Variants in DENND4C observed in about 807,000 individuals in gnomAD.
The protein encoded by DENND4C is DENN domain containing 4C, also known as DENN domain-containing protein 4C.
In DENND4C, 108 loss-of-function variants were observed where a neutral mutation model predicts 203.0. That is an observed-to-expected ratio of 0.53 (90% CI 0.46 to 0.62). The LOEUF is 0.62. Among genes scored for constraint, DENND4C ranks in the 20% least tolerant of loss-of-function variants. DENND4C has a pLI of 0.00. For synonymous variants in DENND4C, 871 were observed against 792.4 expected, an observed-to-expected ratio of 1.10 and a Z score of -1.67; for missense variants, 2,481 against 2,301.2, an observed-to-expected ratio of 1.08 and a Z score of -1.60.
chr9:19,257,072 A>G (rs978767797), intron 1 of DENND4C, among the ~76,000 whole-genome samples: 4 of 151,856 alleles, frequency 2.6e-5, no homozygotes, highest in African/African-American at 7.2e-5. Context: ...TCCGTCTCAA[A>G]AAAAAAAAAG....
chr9:19,364,283 A>C lies in DENND4C; in HGVS notation c.5524+2320A>C, dbSNP rs138706754. Among the ~76,000 whole-genome samples, 146 of 152,288 alleles carry C rather than the reference A, an allele frequency of 9.6e-4. 1 individual carries two copies. Among genetic ancestry groups the C allele is most frequent in the Middle Eastern group, 3.4e-3 (1 of 294 alleles). ...GAAGATTGTTTAAAAAAATTTAAAGATTGTTGAAGATGTTTGGGGAACACT... is the reference window on the plus strand; with the variant it reads ...GAAGATTGTTTAAAAAAATTTAAAGCTTGTTGAAGATGTTTGGGGAACACT... On this transcript the variant is annotated intron_variant, in intron 30 of 32. Transcript: ENST00000434457.
chr9:19,336,301 C>T lies in DENND4C; in HGVS notation c.2621C>T (p.Thr874Ile). The change falls in exon 19 of 33, where the codon ACC (threonine) becomes ATC (isoleucine). Residue 874 changes from threonine (T) to isoleucine (I), a missense_variant. By Grantham distance (89) the Thr-to-Ile change is moderately conservative. Transcript: ENST00000434457. ...TTGGAGAGCCCGTGGCCTAGCAGTA[C>T]CCGCAGTGGTATTTTCTTATGGACG... ...VVLESPWPSS[T>I]RSGIFLWTKV... The T allele has an allele frequency of 5.0e-6, 8 of 1,613,898 alleles. No homozygotes were observed. Among genetic ancestry groups the T allele is most frequent in the South Asian group, 2.2e-5 (2 of 91,072 alleles).
chr9:19,240,898 G>C (rs528019864), intron 1 of DENND4C, among the ~76,000 whole-genome samples: 1 of 152,260 alleles, frequency 6.6e-6, no homozygotes, highest in Admixed American at 6.5e-5. Flanking sequence ...AGGAGGCAGA[G>C]GTTGCAGTGA....
chr9:19,293,542 G>T (rs935040612), intron 5 of DENND4C, among the ~76,000 whole-genome samples: 4 of 152,158 alleles, frequency 2.6e-5, no homozygotes, highest in African/African-American at 7.2e-5. Flanking sequence ...TGACTAAACA[G>T]TTGGCAAGAT....
chr9:19,318,254 G>C (rs1842174620), intron 12 of DENND4C, among the ~76,000 whole-genome samples: 1 of 152,132 alleles, frequency 6.6e-6, no homozygotes, highest in Admixed American at 6.5e-5. Flanking sequence ...GGGAGATGGA[G>C]GTTGCAGAGA....
Position 19,307,195 on chromosome 9 carries a change from T to A in DENND4C, c.1487+1668T>A, listed in dbSNP as rs564702096. Among the ~76,000 whole-genome samples, 4 of 151,834 alleles carry A rather than the reference T, an allele frequency of 2.6e-5. No individual in the cohort carries two copies. In the East Asian group the frequency reaches 7.8e-4, roughly 30 times the overall value. On this transcript the variant is annotated intron_variant, in intron 10 of 32. Coordinates refer to ENST00000434457, the MANE Select transcript of DENND4C (RefSeq NM_001330640.2). ...GGAGGATCACTTGAGCCCAGGAGTT[T>A]AAGGCCAGCCCGGGCAACTTGGTGA...
At chr9:19,261,519 T>A (rs1271208841) in intron 1 of DENND4C, among the ~76,000 whole-genome samples, 1 of 151,904 alleles carries the variant, frequency 6.6e-6, no homozygotes, top group Non-Finnish European at 1.5e-5. Flanking sequence ...TCCTTTTTTT[T>A]GGAGATAGGG....
chr9:19,242,881 C>T (rs1824132230), intron 1 of DENND4C, among the ~76,000 whole-genome samples: 1 of 152,058 alleles, frequency 6.6e-6, no homozygotes, highest in African/African-American at 2.4e-5. Context: ...GTCTCGATCT[C>T]CTGACCTCAT....
intron 1 of DENND4C, among the ~76,000 whole-genome samples, chr9:19,244,704 C>T (rs9802453): frequency 4.7e-5 from 7 of 148,614 alleles, no homozygotes; most frequent in African/African-American, 1.7e-4. Context: ...CGTGCCACTG[C>T]ACTCCAGCCT....
chr9:19,305,912 G>T (rs1021753390), intron 10 of DENND4C, among the ~76,000 whole-genome samples: 1 of 152,154 alleles, frequency 6.6e-6, no homozygotes, highest in Non-Finnish European at 1.5e-5. Flanking sequence ...GATAAAGTTT[G>T]GCTACAGTAT....
chr9:19,307,923 A>G (rs944697334), intron 10 of DENND4C, among the ~76,000 whole-genome samples: 13 of 151,984 alleles, frequency 8.6e-5, no homozygotes, highest in Admixed American at 2.0e-4. Flanking sequence ...TTAGATTTGG[A>G]GTTTATCACA....
chr9:19,370,188 T>C, intron 31 of DENND4C: 1 of 603,748 alleles, frequency 1.7e-6, no homozygotes, highest in Non-Finnish European at 2.8e-6. Flanking sequence ...CTTGGCACGG[T>C]GGCTCACACC....
At chr9:19,315,436 GAA>G (rs1354598529) in intron 10 of DENND4C, among the ~76,000 whole-genome samples, 3 of 151,372 alleles carry the variant, frequency 2.0e-5, no homozygotes, top group Non-Finnish European at 4.4e-5. Context: ...ACTTTTGTAA[GAA>G]GAGGGCTTTT....
chr9:19,306,808 C>G (rs181636634), intron 10 of DENND4C, among the ~76,000 whole-genome samples: 5 of 151,038 alleles, frequency 3.3e-5, no homozygotes, highest in African/African-American at 1.2e-4. Context: ...GACAGAGTCT[C>G]ACTGTGTTGC....
At chr9:19,317,024 C>G (rs976383) in intron 12 of DENND4C, among the ~76,000 whole-genome samples, 185 bp downstream of exon 12, 1 of 151,958 alleles carries the variant, frequency 6.6e-6, no homozygotes, top group African/African-American at 2.4e-5. Flanking sequence ...GCCCATTTTT[C>G]TCCTGAGAAA....
Position 19,352,138 on chromosome 9 carries a change from C to G in DENND4C, c.4561C>G (p.Gln1521Glu), listed in dbSNP as rs746999421. ...DFEKSDHGSS[Q>E]NTSMSSIYQN... is the part of the protein sequence containing the mutation. ...TGAAAAATCAGATCATGGTTCTTCT[C>G]AAAATACCAGCATGTCTAGCATCTA... The change falls in exon 25 of 33, where the codon CAA (glutamine) becomes GAA (glutamate). Residue 1521 changes from glutamine to glutamate, a missense_variant. Gln to Glu is a conservative substitution (Grantham distance 29). Coordinates refer to ENST00000434457, the MANE Select transcript of DENND4C (RefSeq NM_001330640.2). The G allele has an allele frequency of 1.9e-6, 3 of 1,613,852 alleles. No homozygotes were observed. The highest frequency in any genetic ancestry group is 1.7e-4 in the Middle Eastern group (1 of 6,058).
chr9:19,300,109 G>T, intron 8 of DENND4C, 78 bp from the exon 9 acceptor site: 1 of 1,385,772 alleles, frequency 7.2e-7, no homozygotes, highest in South Asian at 1.7e-5. Flanking sequence ...TCAATCTGTT[G>T]ATACTTTAAT....
chr9:19,247,138 T>C (rs949379181), intron 1 of DENND4C, among the ~76,000 whole-genome samples: 18 of 152,248 alleles, frequency 1.2e-4, no homozygotes, highest in Admixed American at 1.3e-4. Flanking sequence ...CTGGATGCCA[T>C]ATATTATCTT....
intron 26 of DENND4C, among the ~76,000 whole-genome samples, 182 bp from the exon 27 acceptor site, chr9:19,356,790 A>T (rs12340932): frequency 0.35 from 40,529 of 116,300 alleles, 5,490 homozygotes; most frequent in Middle Eastern, 0.46. Flanking sequence ...TGTGTGTGTG[A>T]GAGAGAGAGA....
Sources: allele counts gnomAD v4.1 joint callset (sites outside exome capture counted in the v4.1 genomes callset), GRCh38; gene constraint gnomAD v4.1.1; transcripts MANE v1.5; gene names NCBI Gene and HGNC (gene_info 2026-07-23, HGNC 2026-07-21).